The following JAK3 variants were observed in gnomAD, a reference collection of about 807,000 sequenced individuals.
JAK3 encodes the protein tyrosine-protein kinase JAK3.
A neutral mutation model predicts 120.8 loss-of-function variants in JAK3; 88 were observed. That is an observed-to-expected ratio of 0.73 (90% confidence interval 0.61 to 0.87). The LOEUF is 0.87. Ranked by LOEUF, JAK3 falls within the 40% of genes least tolerant of loss-of-function variation. The pLI, the probability that JAK3 is intolerant of heterozygous loss-of-function variation, is 0.00. For synonymous variants in JAK3, 592 were observed against 628.6 expected (o/e 0.94, Z 0.87); for missense variants, 1,254 against 1,501.4 (o/e 0.84, Z 2.72).
intron 12 of JAK3, among the ~76,000 whole-genome samples, chr19:17,837,544 T>C (rs1002919228): frequency 6.6e-6 from 1 of 151,018 alleles, no homozygotes. Flanking sequence ...GCCTCCCGAG[T>C]AGCTGGGATT....
At chr19:17,836,816 G>C (rs2094225170) in intron 13 of JAK3, 1 of 486,318 alleles carries the variant, frequency 2.1e-6, no homozygotes, top group Non-Finnish European at 3.8e-6. Flanking sequence ...CCAGCTCCTG[G>C]CCCATCCTAG....
chr19:17,837,260 C>A, intron 12 of JAK3, 47 bp from the exon 13 acceptor site: 1 of 1,453,126 alleles, frequency 6.9e-7, no homozygotes, highest in Non-Finnish European at 9.5e-7. Context: ...TTCTTCCACT[C>A]CAATAATCCC....
chr19:17,836,916 G>C, intron 13 of JAK3: 1 of 676,802 alleles, frequency 1.5e-6, no homozygotes, highest in Non-Finnish European at 2.7e-6. Flanking sequence ...CTGACTTCAG[G>C]TCATTCTGGG....
At chr19:17,829,538 G>T (rs1192538402) in intron 23 of JAK3, among the ~76,000 whole-genome samples, 1 of 152,024 alleles carries the variant, frequency 6.6e-6, no homozygotes, top group Non-Finnish European at 1.5e-5. Flanking sequence ...CAGGAGAATC[G>T]CTTGAGCCCA....
Position 17,834,832 on chromosome 19 carries a change from G to A in JAK3, c.2199+20C>T, listed in dbSNP as rs201132258. ...TCAAAGTGGGGGTTCGGAGACCGAT[G>A]CCGGGTGAGGGGCTCTGACCTTAGC... On this transcript the variant is annotated intron_variant, in intron 16 of 23. Coordinates refer to ENST00000458235, the MANE Select transcript of JAK3 (RefSeq NM_000215.4). The A allele has an allele frequency of 8.7e-6, 14 of 1,613,778 alleles. No individual in the cohort carries two copies. The highest frequency in any genetic ancestry group is 1.1e-5 in the Non-Finnish European group (13 of 1,179,686).
chr19:17,826,972 T>C, intron 23 of JAK3, 62 bp from the exon 24 acceptor site: 1 of 1,555,136 alleles, frequency 6.4e-7, no homozygotes, highest in Non-Finnish European at 8.7e-7. Context: ...ACAACTCCCA[T>C]TCAGCGTATT....
At position 17,834,674 on chromosome 19, in the gene JAK3, C is replaced by G. The variant is rs2147681709; in HGVS notation, c.2247G>C (p.Trp749Cys). The G allele has an allele frequency of 6.2e-7, 1 of 1,614,094 alleles. No individual in the cohort carries two copies. The highest frequency in any genetic ancestry group is 8.5e-7 in the Non-Finnish European group (1 of 1,180,018). ...EDRQQLPAPK[W>C]TELALLIQQC... ...GTTGAATCAGCAGGGCCAGCTCTGTCCACTTGGGGGCCGGCAGCTGCTGCC... is the reference window on the plus strand; with the variant it reads ...GTTGAATCAGCAGGGCCAGCTCTGTGCACTTGGGGGCCGGCAGCTGCTGCC... The change falls in exon 17 of 24, where the codon TGG (tryptophan) becomes TGC (cysteine). Residue 749 changes from tryptophan (W) to cysteine (C), a missense_variant. Trp to Cys is a radical substitution (Grantham distance 215). Around this residue, in one of 3 missense-constraint regions of JAK3, gnomAD observed 630 missense variants for 819.8 expected, o/e 0.77. Coordinates refer to ENST00000458235, the MANE Select transcript of JAK3 (RefSeq NM_000215.4).
At position 17,843,920 on chromosome 19, in the gene JAK3, C is replaced by A; in HGVS notation, c.185-20G>T. 6.2e-7 allele frequency: 1 copy of A among 1,613,174 alleles called. No individual in the cohort carries two copies. On this transcript the variant is annotated intron_variant, in intron 2 of 23. Coordinates refer to ENST00000458235, the MANE Select transcript of JAK3 (RefSeq NM_000215.4). The surrounding 1 kb of genome is among the most constrained non-coding windows in gnomAD (Gnocchi z 5.4). ...GGATGCCTACAGGGGATGGTCCCATCAGCTCCCTCCTGAGTCACCCCATCT... is the reference window on the plus strand; with the variant it reads ...GGATGCCTACAGGGGATGGTCCCATAAGCTCCCTCCTGAGTCACCCCATCT...
chr19:17,847,975 G>A lies in JAK3; in HGVS notation c.-43C>T. The A allele has an allele frequency of 1.9e-6, 2 of 1,039,714 alleles. No individual in the cohort carries two copies. The highest frequency in any genetic ancestry group is 2.3e-6 in the Non-Finnish European group (2 of 861,700). 64.4% of individuals were successfully genotyped at this position (1,039,714 alleles called of 1,614,324 possible). ...CGGGCAGGGACCCTGGACTTTCGAAGGGCGGGCAGAGCCGGGAGGCAGCGA... is the reference window on the plus strand; with the variant it reads ...CGGGCAGGGACCCTGGACTTTCGAAAGGCGGGCAGAGCCGGGAGGCAGCGA... On this transcript the variant is annotated 5_prime_UTR_variant, in exon 1 of 24. Transcript: ENST00000458235.
Position 17,834,860 on chromosome 19 carries a change from G to A in JAK3, c.2191C>T (p.Pro731Ser), listed in dbSNP as rs201236217. 3 of 1,614,164 alleles carry A rather than the reference G, an allele frequency of 1.9e-6. No homozygotes were observed. In the South Asian group the frequency reaches 3.3e-5, roughly 18 times the overall value. ...GVTMPISALD[P>S]AKKLQFYEDR... Reference sequence around the variant, plus strand: ...GGGTGAGGGGCTCTGACCTTAGCAGGATCCAGGGCACTGATGGGCATGGTG... The same window carrying A: ...GGGTGAGGGGCTCTGACCTTAGCAGAATCCAGGGCACTGATGGGCATGGTG... Residue 731 changes from proline to serine, a missense_variant, in exon 16 of 24, where the codon CCT (proline) becomes TCT (serine). By Grantham distance (74) the Pro-to-Ser change is moderately conservative. This residue lies in a region of JAK3 where 630 missense variants were observed against 819.8 expected (regional missense o/e 0.77). Transcript: ENST00000458235.
chr19:17,830,339 T>G, intron 22 of JAK3, 121 bp from the exon 23 acceptor site: 1 of 926,394 alleles, frequency 1.1e-6, no homozygotes, highest in Non-Finnish European at 1.7e-6. Flanking sequence ...GCCTGAACCG[T>G]GAAGGGGTCA....
At position 17,841,871 on chromosome 19, in the gene JAK3, C is replaced by A; in HGVS notation, c.862-109G>T. ...ATCCACTCCCTATCCCTTTGCCATT[C>A]AACCCTTCCAAGCCGCGCCCCCTCC... On this transcript the variant is annotated intron_variant, in intron 6 of 23. Coordinates refer to ENST00000458235, the MANE Select transcript of JAK3 (RefSeq NM_000215.4). This position sits in a 1 kb window ranked among gnomAD's most constrained non-coding sequence, Gnocchi z 4.1. 6.7e-7 allele frequency: 1 copy of A among 1,498,624 alleles called. No individual in the cohort carries two copies. Among genetic ancestry groups the A allele is most frequent in the South Asian group, 1.2e-5 (1 of 85,234 alleles). 92.8% of individuals were successfully genotyped at this position (1,498,624 alleles called of 1,614,324 possible). A position where few individuals can be genotyped will look rare whatever the true frequency, so the allele number is the denominator to read the frequency against.
chr19:17,844,630 C>G (rs2094247993), intron 1 of JAK3, among the ~76,000 whole-genome samples, 200 bp from the exon 2 acceptor site: 1 of 151,752 alleles, frequency 6.6e-6, no homozygotes. Flanking sequence ...GAAACCCTGC[C>G]TCTAAAAAGT....
chr19:17,841,284 C>T lies in JAK3; in HGVS notation c.1142+105G>A, dbSNP rs765060975. The T allele has an allele frequency of 3.2e-6, 4 of 1,239,686 alleles. No individual in the cohort carries two copies. Among genetic ancestry groups the T allele is most frequent in the Non-Finnish European group, 4.5e-6 (4 of 897,590 alleles). 76.8% of individuals were successfully genotyped at this position (1,239,686 alleles called of 1,614,324 possible). ...CTGTGCGGCAGGTGTGGTTTGAAAA[C>T]TTGACCCCTGTCCAGGGCTCCTGGA... On this transcript the variant is annotated intron_variant, in intron 8 of 23. Coordinates refer to ENST00000458235, the MANE Select transcript of JAK3 (RefSeq NM_000215.4). The surrounding 1 kb of genome is among the most constrained non-coding windows in gnomAD (Gnocchi z 4.1).
At chr19:17,833,127 G>C (rs2094217510) in intron 17 of JAK3, among the ~76,000 whole-genome samples, 198 bp from the exon 18 acceptor site, 1 of 152,222 alleles carries the variant, frequency 6.6e-6, no homozygotes, top group Non-Finnish European at 1.5e-5. Context: ...AAGCCTCCTC[G>C]TGCAGTGCAC....
At position 17,837,185 on chromosome 19, in the gene JAK3, C is replaced by A. The variant is rs200578599; in HGVS notation, c.1730G>T (p.Ser577Ile). 4 of 1,572,824 alleles carry A rather than the reference C, an allele frequency of 2.5e-6. No homozygotes were observed. The highest frequency in any genetic ancestry group is 2.7e-5 in the African/African-American group (2 of 74,150). ...CACGAGATGCCGGTACGACACTTGGCTCATCAAGCTCGCTGCTTCCAGGAA... is the reference window on the plus strand; with the variant it reads ...CACGAGATGCCGGTACGACACTTGGATCATCAAGCTCGCTGCTTCCAGGAA... ...ESFLEAASLMSQVSYRHLVLL... is the reference protein window; with the variant it reads ...ESFLEAASLMIQVSYRHLVLL... The change falls in exon 13 of 24, where the codon AGC becomes ATC. Residue 577 changes from serine to isoleucine, a missense_variant. This residue lies in a region of JAK3 where 630 missense variants were observed against 819.8 expected (regional missense o/e 0.77). Transcript: ENST00000458235.
rs765634756 is a variant in JAK3, at chr19:17,843,180, GC to G, written c.421-9del. ...CACCAGGTCACTGCGGTGCTGGGGG[GC>G]CGCCACAGGGAGCATCAGCTGAGGC... On this transcript the variant is annotated splice_polypyrimidine_tract_variant and intron_variant, in intron 4 of 23. Transcript: ENST00000458235. This position sits in a 1 kb window ranked among gnomAD's most constrained non-coding sequence, Gnocchi z 5.4. 2 of 1,599,604 alleles carry G rather than the reference GC, an allele frequency of 1.3e-6. No homozygotes were observed. The highest frequency in any genetic ancestry group is 2.2e-5 in the South Asian group (2 of 90,014).
intron 16 of JAK3, 59 bp downstream of exon 16, chr19:17,834,793 A>T (rs892762312): frequency 6.2e-7 from 1 of 1,613,510 alleles, no homozygotes; most frequent in African/African-American, 1.3e-5. Flanking sequence ...ACTGGATGTC[A>T]GTCTGCCCTT....
At chr19:17,847,066 T>A (rs992474411) in intron 1 of JAK3, among the ~76,000 whole-genome samples, 1 of 151,992 alleles carries the variant, frequency 6.6e-6, no homozygotes, top group African/African-American at 2.4e-5. Flanking sequence ...CCTGGCTAAT[T>A]TTTGTGTTTT....
Sources: gnomAD v4.1 joint callset for allele counts (sites outside exome capture counted in the v4.1 genomes callset) on GRCh38, gnomAD v4.1.1 for gene constraint, gnomAD v4.1.1 regional missense constraint, Gnocchi (gnomAD v3.1) non-coding constraint, MANE v1.5 for transcripts, NCBI Gene and HGNC (gene_info 2026-07-23, HGNC 2026-07-21) for gene names.